Variants in MZT2B observed in about 807,000 individuals in gnomAD.
MZT2B encodes the protein mitotic spindle organizing protein 2B.
In MZT2B, 11 loss-of-function variants were observed where a neutral mutation model predicts 12.1. The observed-to-expected ratio is 0.91, with a 90% confidence interval of 0.57 to 1.50. MZT2B has a LOEUF of 1.50. MZT2B is among the 40% of genes most tolerant of loss of function. The pLI is 0.00. For missense variants in MZT2B, 209 were observed against 227.7 expected (o/e 0.92, Z 0.53); for synonymous variants, 85 against 109.5 (o/e 0.78, Z 1.40).
upstream of MZT2B, chr2:130,182,117 C>T: frequency 7.7e-7 from 1 of 1,293,880 alleles, no homozygotes; most frequent in Non-Finnish European, 9.8e-7. Flanking sequence ...CGCCCAATAA[C>T]TGTTGGGCTT....
the MZT2B span, among the ~76,000 whole-genome samples, chr2:130,200,349 C>A: frequency 1.3e-5 from 2 of 151,738 alleles, no homozygotes; most frequent in Non-Finnish European, 2.9e-5. Flanking sequence ...CGAGATAACA[C>A]CACTGCACTC....
downstream of MZT2B, among the ~76,000 whole-genome samples, chr2:130,192,693 C>T (rs1161329967): frequency 6.6e-6 from 1 of 152,148 alleles, no homozygotes; most frequent in Non-Finnish European, 1.5e-5. Flanking sequence ...AAGGTGGTAA[C>T]CAAAGGGGAA....
chr2:130,198,295 G>A, the MZT2B span: 1 of 1,346,284 alleles, frequency 7.4e-7, no homozygotes, highest in African/African-American at 1.5e-5. Context: ...ACGTCCCTCT[G>A]TCCACCCGAG....
At chr2:130,181,743 G>A, upstream of MZT2B, 1 of 1,548,552 alleles carries the variant, frequency 6.5e-7, no homozygotes, top group Non-Finnish European at 8.7e-7. Flanking sequence ...GTGCGGGGGA[G>A]GGAGTGGTCC....
chr2:130,183,692 A>C (rs887929443), intron 2 of MZT2B: 1 of 1,547,636 alleles, frequency 6.5e-7, no homozygotes, highest in Admixed American at 2.0e-5. Flanking sequence ...GGGCACCCAC[A>C]CCCGCTGACC....
At chr2:130,181,970 G>GCA, upstream of MZT2B, 2 of 1,401,496 alleles carry the variant, frequency 1.4e-6, no homozygotes, top group Non-Finnish European at 1.9e-6. Flanking sequence ...TGTATGCCTG[G>GCA]CACTGGGCTG....
chr2:130,182,602 C>T (rs776002493), intron 1 of MZT2B, 25 bp from the exon 2 acceptor site: 61 of 1,553,714 alleles, frequency 3.9e-5, no homozygotes, highest in Non-Finnish European at 5.1e-5. Flanking sequence ...AGAGGGCTCA[C>T]CGGCCCCGCG....
rs143557412 is a variant in MZT2B, at chr2:130,190,504, T to C, written c.355T>C (p.Leu119=). The C allele has an allele frequency of 2.5e-6, 4 of 1,613,642 alleles. No homozygotes were observed. The highest frequency in any genetic ancestry group is 1.1e-5 in the South Asian group (1 of 91,088). Residue 119 remains leucine (L), a synonymous_variant, in exon 3 of 3, where the codon TTG becomes CTG. Transcript: ENST00000281871. ...NKGSAALGGA[L]ALAERSSREG... The stretch of plus-strand genomic sequence containing the variant: ...AGGCAGCGCTGCCCTCGGGGGAGCA[T>C]TGGCCCTGGCGGAACGCAGCAGCCG...
intron 2 of MZT2B, among the ~76,000 whole-genome samples, chr2:130,186,374 A>C (rs1251190475): frequency 6.6e-6 from 1 of 152,182 alleles, no homozygotes; most frequent in East Asian, 1.9e-4. Flanking sequence ...AAAACCCCAG[A>C]AGCACAGAGG....
rs982792739 is a variant in MZT2B at position 130,182,269 on chromosome 2, C to G, written c.-14C>G. ...CGCGGCGGGGCGGAGCGCACCTTTC[C>G]GCGGGCCGCGGGGATGGCGGCGCAG... On this transcript the variant is annotated 5_prime_UTR_variant, in exon 1 of 3. Transcript: ENST00000281871. 8 of 1,297,536 alleles carry G rather than the reference C, an allele frequency of 6.2e-6. No homozygotes were observed. The highest frequency in any genetic ancestry group is 3.0e-4 in the Middle Eastern group (1 of 3,388). 80.4% of individuals were successfully genotyped at this position (1,297,536 alleles called of 1,614,324 possible).
At chr2:130,183,610 G>T in intron 2 of MZT2B, 2 of 1,070,572 alleles carry the variant, frequency 1.9e-6, no homozygotes, top group African/African-American at 1.6e-5. Context: ...CTGGAAGCAC[G>T]AGGAGACCCG....
At chr2:130,187,358 T>C (rs1690105485) in intron 2 of MZT2B, among the ~76,000 whole-genome samples, 1 of 152,124 alleles carries the variant, frequency 6.6e-6, no homozygotes, top group Admixed American at 6.6e-5. Flanking sequence ...TGGCTAATTT[T>C]TTAATTTTTT....
downstream of MZT2B, among the ~76,000 whole-genome samples, chr2:130,192,333 C>A (rs1385305304): frequency 6.6e-6 from 1 of 152,168 alleles, no homozygotes; most frequent in Non-Finnish European, 1.5e-5. Flanking sequence ...GGTAGCCACC[C>A]TGGTGGGATC....
intron 2 of MZT2B, among the ~76,000 whole-genome samples, chr2:130,190,085 C>T (rs1690203983): frequency 6.6e-6 from 1 of 152,216 alleles, no homozygotes; most frequent in African/African-American, 2.4e-5. Flanking sequence ...CAGCGCATCC[C>T]TGCTGCTGCC....
chr2:130,196,950 T>C, the MZT2B span, among the ~76,000 whole-genome samples: 19 of 151,982 alleles, frequency 1.3e-4, no homozygotes, highest in African/African-American at 4.6e-4. Context: ...CAGGCAGCAG[T>C]GGGATACTGG....
At position 130,183,836 on chromosome 2, in the gene MZT2B, C is replaced by G. The variant is rs534830525; in HGVS notation, c.319+1061C>G. 7.1e-4 allele frequency: 1,107 copies of G among 1,550,572 alleles called. 2 individuals carry two copies. The highest frequency in any genetic ancestry group is 1.0e-3 in the Middle Eastern group (6 of 5,966). ...ACAGTAGCCCCCCTGCAAGGCCCTC[C>G]TTTTCCTCCAGCCCGCAGCCTGCGG... On this transcript the variant is annotated intron_variant, in intron 2 of 2. Transcript: ENST00000281871.
downstream of MZT2B, chr2:130,191,875 C>G: frequency 1.9e-6 from 3 of 1,613,954 alleles, no homozygotes; most frequent in African/African-American, 1.3e-5. Context: ...ACGGAATCCA[C>G]GCCCACCTCT....
downstream of MZT2B, chr2:130,194,234 A>G (rs549615069): frequency 3.9e-5 from 63 of 1,612,432 alleles, no homozygotes; most frequent in Middle Eastern, 3.8e-4. Flanking sequence ...ATTGTCGACC[A>G]TGAAGGCACA....
rs1279315709 is a variant in MZT2B at position 130,182,675 on chromosome 2, C to A, written c.219C>A (p.Phe73Leu). ...LKLNVAPLAV[F>L]QMLKSMCAGQ... Reference sequence around the variant, plus strand: ...TGAACGTGGCCCCCCTCGCCGTCTTCCAGATGCTCAAGTCCATGTGTGCCG... The same window carrying A: ...TGAACGTGGCCCCCCTCGCCGTCTTACAGATGCTCAAGTCCATGTGTGCCG... The change falls in exon 2 of 3, where the codon TTC becomes TTA. Residue 73 changes from phenylalanine to leucine, a missense_variant. Physicochemically the swap from Phe to Leu is conservative, Grantham distance 22 (BLOSUM62 0). Coordinates refer to ENST00000281871, the MANE Select transcript of MZT2B (RefSeq NM_025029.5). 1 of 1,554,488 alleles carries A rather than the reference C, an allele frequency of 6.4e-7. No individual in the cohort carries two copies. The highest frequency in any genetic ancestry group is 1.9e-5 in the Admixed American group (1 of 52,090).
Sources: gnomAD v4.1 joint callset for allele counts (sites outside exome capture counted in the v4.1 genomes callset) on GRCh38, gnomAD v4.1.1 for gene constraint, MANE v1.5 for transcripts, NCBI Gene and HGNC (gene_info 2026-07-23, HGNC 2026-07-21) for gene names.